OR10J1: variants seen among roughly 807,000 people sequenced by gnomAD.
OR10J1 encodes the protein olfactory receptor family 10 subfamily J member 1.
For missense variants in OR10J1, 474 were observed against 376.6 expected, an observed-to-expected ratio of 1.26 and a Z score of -2.14; for synonymous variants, 202 against 143.8, an observed-to-expected ratio of 1.40 and a Z score of -2.89.
the OR10J1 span, among the ~76,000 whole-genome samples, chr1:159,413,624 G>C: frequency 6.7e-6 from 1 of 149,516 alleles, no homozygotes; most frequent in East Asian, 2.0e-4. Flanking sequence ...TCACTCATAG[G>C]TCGGAATTGA....
chr1:159,439,978 C>T lies in OR10J1; in HGVS notation c.187C>T (p.Leu63=). The T allele has an allele frequency of 6.2e-7, 1 of 1,614,182 alleles. No homozygotes were observed. The highest frequency in any genetic ancestry group is 1.1e-5 in the South Asian group (1 of 91,088). ...LHLHTPMYFF[L]SMLSTSETVY... is the part of the protein sequence containing the mutation. The stretch of plus-strand genomic sequence containing the variant: ...TCTTCACACACCCATGTACTTCTTC[C>T]TGAGCATGCTGTCCACTTCAGAGAC... The change falls in exon 1 of 1, where the codon CTG becomes TTG. Residue 63 remains leucine (L), a synonymous_variant. Transcript: ENST00000423932.
the OR10J1 span, chr1:159,432,287 C>G: frequency 7.5e-6 from 3 of 401,094 alleles, no homozygotes; most frequent in African/African-American, 6.2e-5. Context: ...GACTCATCCT[C>G]TTTGTGATCT....
chr1:159,434,377 T>G (rs1459937399), upstream of OR10J1, among the ~76,000 whole-genome samples: 3 of 152,220 alleles, frequency 2.0e-5, no homozygotes, highest in South Asian at 6.2e-4. Flanking sequence ...ATTCATGATA[T>G]CTTGGACTTT....
At chr1:159,433,102 C>T (rs1655629840), upstream of OR10J1, 1 of 439,754 alleles carries the variant, frequency 2.3e-6, no homozygotes, top group Non-Finnish European at 4.1e-6. Context: ...TCAAGGATGC[C>T]TTGCTCAGAG....
chr1:159,427,996 G>C, the OR10J1 span, among the ~76,000 whole-genome samples: 842 of 152,146 alleles, frequency 5.5e-3, 9 homozygotes, highest in Middle Eastern at 0.031. Flanking sequence ...AAATTTAACA[G>C]ACCATTTATG....
At position 159,440,406 on chromosome 1, in the gene OR10J1, G is replaced by A. The variant is rs1304069021; in HGVS notation, c.615G>A (p.Val205=). The A allele has an allele frequency of 1.9e-6, 3 of 1,614,012 alleles. No homozygotes were observed. The highest frequency in any genetic ancestry group is 3.3e-5 in the Admixed American group (2 of 59,998). Residue 205 remains valine, a synonymous_variant, in exon 1 of 1, where the codon GTG becomes GTA. Coordinates refer to ENST00000423932, the MANE Select transcript of OR10J1 (RefSeq NM_012351.3). ...TGACTTTGATTATCAGTGTGCTGGT[G>A]CTTGTTGTACCTATGGGTCTGGTTT... The part of the protein sequence containing the change: ...EILTLIISVL[V]LVVPMGLVFI...
the OR10J1 span, among the ~76,000 whole-genome samples, chr1:159,430,673 G>GCGCA: frequency 1.3e-5 from 2 of 151,772 alleles, no homozygotes; most frequent in East Asian, 1.9e-4. Flanking sequence ...GTGTGTGCGC[G>GCGCA]CGCGCACATG....
At chr1:159,421,290 A>T in the OR10J1 span, among the ~76,000 whole-genome samples, 1 of 152,144 alleles carries the variant, frequency 6.6e-6, no homozygotes, top group African/African-American at 2.4e-5. Context: ...TTTAAAATTC[A>T]CATCCTGATT....
chr1:159,416,020 G>T, the OR10J1 span, among the ~76,000 whole-genome samples: 1 of 151,500 alleles, frequency 6.6e-6, no homozygotes, highest in Non-Finnish European at 1.5e-5. Flanking sequence ...ATTGATTTTT[G>T]TGTGTTGATT....
chr1:159,419,380 G>A, the OR10J1 span, among the ~76,000 whole-genome samples: 3 of 152,170 alleles, frequency 2.0e-5, no homozygotes, highest in Non-Finnish European at 2.9e-5. Flanking sequence ...TCTTGTGATA[G>A]TGAATAAGTC....
chr1:159,426,001 G>C, the OR10J1 span, among the ~76,000 whole-genome samples: 2 of 151,952 alleles, frequency 1.3e-5, no homozygotes, highest in Middle Eastern at 6.8e-3. Flanking sequence ...GGATTATTTA[G>C]CAAAAATAAA....
the OR10J1 span, among the ~76,000 whole-genome samples, chr1:159,412,723 C>T: frequency 6.6e-6 from 1 of 151,920 alleles, no homozygotes; most frequent in South Asian, 2.1e-4. Context: ...AGTCCTAAAA[C>T]CATAAAAACC....
Position 159,440,749 on chromosome 1 carries a change from G to T in OR10J1, c.*28G>T. The T allele has an allele frequency of 6.3e-7, 1 of 1,589,566 alleles. No individual in the cohort carries two copies. The highest frequency in any genetic ancestry group is 1.1e-5 in the South Asian group (1 of 87,412). ...ATGTAGGAAGAGTTCTCCTGAGGCT[G>T]TCAACATCCACACTAGGCAGGAATA... On this transcript the variant is annotated 3_prime_UTR_variant, in exon 1 of 1. Coordinates refer to ENST00000423932, the MANE Select transcript of OR10J1 (RefSeq NM_012351.3).
the OR10J1 span, chr1:159,432,600 T>C: frequency 2.1e-6 from 1 of 469,728 alleles, no homozygotes; most frequent in African/African-American, 2.0e-5. Context: ...CCCTCTACAG[T>C]ATTCAGTCAT....
chr1:159,411,305 G>A, the OR10J1 span, among the ~76,000 whole-genome samples: 2 of 152,088 alleles, frequency 1.3e-5, no homozygotes, highest in African/African-American at 2.4e-5. Context: ...GAGTGTTAAA[G>A]TCTCCCATTT....
At chr1:159,437,449 G>C (rs1443158559), upstream of OR10J1, among the ~76,000 whole-genome samples, 4 of 151,480 alleles carry the variant, frequency 2.6e-5, no homozygotes, top group East Asian at 5.8e-4. Context: ...GAGCTGCCTA[G>C]ATTTTTCAAT....
chr1:159,405,568 CCCA>C, the OR10J1 span: 1 of 372,502 alleles, frequency 2.7e-6, no homozygotes, highest in South Asian at 2.7e-5. Context: ...TCTGTTCTGC[CCCA>C]GGAAACTCTG....
At chr1:159,406,560 A>T in the OR10J1 span, among the ~76,000 whole-genome samples, 1 of 152,080 alleles carries the variant, frequency 6.6e-6, no homozygotes, top group Non-Finnish European at 1.5e-5. Context: ...ACTAAGAGAC[A>T]TCTAATGACC....
the OR10J1 span, among the ~76,000 whole-genome samples, chr1:159,422,548 G>T: frequency 2.0e-5 from 3 of 152,134 alleles, no homozygotes; most frequent in Non-Finnish European, 4.4e-5. Context: ...GAGTAGCAGC[G>T]GTAGGTACAG....
Sources: allele counts gnomAD v4.1 joint callset (sites outside exome capture counted in the v4.1 genomes callset), GRCh38; gene constraint gnomAD v4.1.1; transcripts MANE v1.5; gene names NCBI Gene and HGNC (gene_info 2026-07-23, HGNC 2026-07-21).